XPO1: variants seen among roughly 807,000 people sequenced by gnomAD.
XPO1 encodes the protein exportin 1.
Under a neutral mutation model 133.3 loss-of-function variants are expected in XPO1, and 5 were observed. The observed-to-expected ratio is 0.04, with a 90% CI of 0.02 to 0.08. The LOEUF is 0.08. Among genes scored for constraint, XPO1 ranks in the 10% least tolerant of loss-of-function variants. The pLI is 1.00. For missense variants in XPO1, 506 were observed against 1,267.5 expected, an observed-to-expected ratio of 0.40 and a Z score of 9.12; for synonymous variants, 419 against 408.2, an observed-to-expected ratio of 1.03 and a Z score of -0.32.
chr2:61,508,201 C>T (rs1037007860), intron 4 of XPO1, among the ~76,000 whole-genome samples: 5 of 151,992 alleles, frequency 3.3e-5, no homozygotes, highest in Non-Finnish European at 7.4e-5. Flanking sequence ...ATCTCTACTG[C>T]GGGAGGCTCC....
chr2:61,486,006 T>G (rs772713236), intron 19 of XPO1, 44 bp from the exon 20 acceptor site: 3 of 1,518,434 alleles, frequency 2.0e-6, no homozygotes, highest in Non-Finnish European at 2.7e-6. Context: ...TTTAGGTACA[T>G]GGTGACTATT....
intron 9 of XPO1, among the ~76,000 whole-genome samples, chr2:61,498,301 A>G (rs1288822612): frequency 1.3e-5 from 2 of 152,210 alleles, no homozygotes; most frequent in Non-Finnish European, 2.9e-5. Flanking sequence ...CAACTTGCCC[A>G]GGCTAAACCA....
At chr2:61,535,249 G>T (rs3771260) in intron 1 of XPO1, among the ~76,000 whole-genome samples, 91,469 of 151,980 alleles carry the variant, frequency 0.6, 27,608 homozygotes, top group Middle Eastern at 0.7. Context: ...TAACCTTTTT[G>T]GGGGTCTAAG....
intron 4 of XPO1, among the ~76,000 whole-genome samples, chr2:61,503,087 TCC>T (rs1382448841): frequency 1.3e-5 from 2 of 151,506 alleles, no homozygotes. Context: ...TGCCTCAGGC[TCC>T]CGAGTACAGG....
At chr2:61,518,682 A>G (rs973921573) in intron 4 of XPO1, among the ~76,000 whole-genome samples, 1 of 152,152 alleles carries the variant, frequency 6.6e-6, no homozygotes, top group Non-Finnish European at 1.5e-5. Context: ...CTGAGCCCCA[A>G]TATCAAGGAG....
Position 61,531,449 on chromosome 2 carries a change from CATT to C in XPO1, c.126+2320_126+2322del, listed in dbSNP as rs1467115786. ...CATTAAATTTCTTAATACTATGAAA[CATT>C]ATTAAAAGCAGTATTGCTGTAATAT... On this transcript the variant is annotated intron_variant, in intron 2 of 24. Transcript: ENST00000401558. Among the ~76,000 whole-genome samples, 18 of 152,226 alleles carry C rather than the reference CATT, an allele frequency of 1.2e-4. No homozygotes were observed. The East Asian group carries it at 3.3e-3, about 28-fold the overall frequency.
intron 4 of XPO1, among the ~76,000 whole-genome samples, chr2:61,515,919 T>TA (rs869071296): frequency 0.024 from 2,261 of 93,108 alleles, 188 homozygotes; most frequent in African/African-American, 0.094. Flanking sequence ...CCATCTCTAC[T>TA]AAAAAAAAAA....
intron 17 of XPO1, 112 bp from the exon 18 acceptor site, chr2:61,488,883 T>C: frequency 1.2e-5 from 14 of 1,129,352 alleles, no homozygotes; most frequent in Non-Finnish European, 1.8e-5. Flanking sequence ...GGGCGGATGA[T>C]GAGTTCAGGA....
chr2:61,526,617 T>C (rs1698913135), intron 2 of XPO1, 96 bp from the exon 3 acceptor site: 5 of 835,186 alleles, frequency 6.0e-6, no homozygotes, highest in Non-Finnish European at 6.8e-6. Context: ...AAATTCTAAT[T>C]GGACAGAGAT....
Position 61,537,961 on chromosome 2 carries a change from G to T in XPO1, c.-406C>A. On this transcript the variant is annotated 5_prime_UTR_variant, in exon 1 of 25. Coordinates refer to ENST00000401558, the MANE Select transcript of XPO1 (RefSeq NM_003400.4). ...AGGGGGTGTAGAGTCCACACGGCCG[G>T]GGAGACGCTCTGCTGCCAGTTGCAG... 1 of 163,154 alleles carries T rather than the reference G, an allele frequency of 6.1e-6. No homozygotes were observed. Among genetic ancestry groups the T allele is most frequent in the South Asian group, 1.8e-4 (1 of 5,664 alleles). 10.1% of individuals were successfully genotyped at this position (163,154 alleles called of 1,614,324 possible).
rs61072503 is a variant in XPO1 at position 61,491,459 on chromosome 2, AACACACACACACACAC to A, written c.1887+560_1887+575del. 1.0e-4 allele frequency among the ~76,000 whole-genome samples: 15 copies of A among 143,008 alleles called. No individual in the cohort carries two copies. In the South Asian group the frequency reaches 1.1e-3, roughly 11 times the overall value. The allele number at this position is 143,008 out of a possible 152,430, so 93.8% of individuals were successfully genotyped here. On this transcript the variant is annotated intron_variant, in intron 16 of 24. Coordinates refer to ENST00000401558, the MANE Select transcript of XPO1 (RefSeq NM_003400.4). ...GAGTGAAACTCCATCTCAAAAAACAAACACACACACACACACACACACACACACACACACACACCCC... is the reference window on the plus strand; with the variant it reads ...GAGTGAAACTCCATCTCAAAAAACAAACACACACACACACACACACACCCC...
intron 4 of XPO1, among the ~76,000 whole-genome samples, chr2:61,507,345 G>A (rs748896306): frequency 3.0e-4 from 46 of 151,956 alleles, no homozygotes; most frequent in Non-Finnish European, 6.2e-4. Flanking sequence ...AGGCTGACAT[G>A]GGAGGAGGGT....
intron 4 of XPO1, among the ~76,000 whole-genome samples, chr2:61,510,702 C>G (rs1301248922): frequency 6.6e-6 from 1 of 152,102 alleles, no homozygotes; most frequent in Admixed American, 6.6e-5. Context: ...CTTTGGGAGG[C>G]TGAGGCAGAG....
intron 2 of XPO1, among the ~76,000 whole-genome samples, chr2:61,528,085 C>A (rs1698984831): frequency 6.6e-6 from 1 of 151,806 alleles, no homozygotes. Context: ...TGCCACCACG[C>A]CTGGCTAATT....
At chr2:61,526,569 G>C in intron 2 of XPO1, 48 bp from the exon 3 acceptor site, 1 of 1,386,460 alleles carries the variant, frequency 7.2e-7, no homozygotes, top group South Asian at 1.5e-5. Flanking sequence ...GTATTCTTTT[G>C]AATCATTCAT....
intron 4 of XPO1, among the ~76,000 whole-genome samples, chr2:61,505,515 C>T (rs1435673157): frequency 6.6e-6 from 1 of 151,790 alleles, no homozygotes; most frequent in African/African-American, 2.4e-5. Flanking sequence ...CCTCAGCCTC[C>T]TGAGTACCCT....
chr2:61,479,064 T>A (rs1486496461), intron 24 of XPO1, 98 bp from the exon 25 acceptor site: 13 of 1,397,594 alleles, frequency 9.3e-6, no homozygotes, highest in Non-Finnish European at 1.2e-5. Context: ...AAGGAAGGAA[T>A]ATAAATTATC....
At chr2:61,482,763 G>A in intron 22 of XPO1, 194 bp downstream of exon 22, 1 of 755,536 alleles carries the variant, frequency 1.3e-6, no homozygotes, top group Non-Finnish European at 2.1e-6. Context: ...ATGCCACCAT[G>A]CCCAGTATTT....
At chr2:61,526,664 C>A (rs1311267247) in intron 2 of XPO1, 143 bp from the exon 3 acceptor site, 2 of 594,054 alleles carry the variant, frequency 3.4e-6, no homozygotes, top group Non-Finnish European at 5.2e-6. Context: ...AAAAATTAGA[C>A]CTTACAGAAA....
Sources: gnomAD v4.1 joint callset for allele counts (sites outside exome capture counted in the v4.1 genomes callset) on GRCh38, gnomAD v4.1.1 for gene constraint, MANE v1.5 for transcripts, NCBI Gene and HGNC (gene_info 2026-07-23, HGNC 2026-07-21) for gene names.